Variants in THRB observed in about 807,000 individuals in gnomAD.
THRB encodes the protein nuclear receptor subfamily 1 group A member 2.
A neutral mutation model predicts 47.8 loss-of-function variants in THRB; 12 were observed. That is an observed-to-expected ratio of 0.25 (90% CI 0.16 to 0.41). THRB has a LOEUF of 0.41. Among genes scored for constraint, THRB ranks in the 10% least tolerant of loss-of-function variants. The pLI is 1.00. For synonymous variants in THRB, 218 were observed against 212.2 expected (o/e 1.03, Z -0.24); for missense variants, 348 against 589.2 (o/e 0.59, Z 4.24).
intron 3 of THRB, among the ~76,000 whole-genome samples, chr3:24,256,425 GAATA>G (rs933703280): frequency 6.6e-6 from 1 of 152,130 alleles, no homozygotes; most frequent in Non-Finnish European, 1.5e-5. Flanking sequence ...GGAAAGAGGA[GAATA>G]AATAATTGTG....
chr3:24,213,926 G>C (rs891454555), intron 4 of THRB, among the ~76,000 whole-genome samples: 2 of 152,190 alleles, frequency 1.3e-5, no homozygotes, highest in Non-Finnish European at 2.9e-5. Flanking sequence ...CATTTGGCCT[G>C]CAGATATGGT....
At chr3:24,331,255 A>G (rs1241177021) in intron 2 of THRB, among the ~76,000 whole-genome samples, 1 of 152,202 alleles carries the variant, frequency 6.6e-6, no homozygotes, top group Non-Finnish European at 1.5e-5. Context: ...TACTCCTCCT[A>G]AAATTAAAAA....
intron 3 of THRB, among the ~76,000 whole-genome samples, chr3:24,271,039 G>C (rs751969408): frequency 2.6e-5 from 4 of 152,060 alleles, no homozygotes; most frequent in Admixed American, 6.6e-5. Context: ...CCAAACCATA[G>C]CCCTCCCTAG....
intron 1 of THRB, among the ~76,000 whole-genome samples, chr3:24,380,954 A>C (rs1341008017): frequency 6.6e-6 from 1 of 152,052 alleles, no homozygotes; most frequent in Non-Finnish European, 1.5e-5. Context: ...GTTTCTACTA[A>C]AAATACAAAA....
At chr3:24,368,984 T>C (rs899882569) in intron 1 of THRB, among the ~76,000 whole-genome samples, 1 of 152,196 alleles carries the variant, frequency 6.6e-6, no homozygotes, top group Non-Finnish European at 1.5e-5. Flanking sequence ...AGATGAGTTG[T>C]AAATATGTAG....
intron 4 of THRB, among the ~76,000 whole-genome samples, chr3:24,192,983 T>C (rs1365472282): frequency 1.3e-5 from 2 of 152,136 alleles, no homozygotes; most frequent in Admixed American, 6.5e-5. Context: ...TTAAGGAGGA[T>C]TCTTGATTCT....
At chr3:24,379,939 C>G (rs1398097159) in intron 1 of THRB, among the ~76,000 whole-genome samples, 1 of 151,702 alleles carries the variant, frequency 6.6e-6, no homozygotes, top group African/African-American at 2.4e-5. Context: ...TCCCTCCTCT[C>G]CTCATGTAGT....
At chr3:24,169,699 TTATAA>T (rs1178694452) in intron 5 of THRB, among the ~76,000 whole-genome samples, 5 of 147,966 alleles carry the variant, frequency 3.4e-5, no homozygotes, top group Non-Finnish European at 6.0e-5. Context: ...TATATATATA[TTATAA>T]TATATATCTC....
intron 1 of THRB, among the ~76,000 whole-genome samples, chr3:24,352,883 C>T (rs1458501553): frequency 6.6e-6 from 1 of 151,790 alleles, no homozygotes; most frequent in East Asian, 1.9e-4. Flanking sequence ...TTTCAAATTC[C>T]CACTTTAGGT....
intron 3 of THRB, among the ~76,000 whole-genome samples, chr3:24,237,611 G>A (rs1430209171): frequency 1.3e-5 from 2 of 152,038 alleles, no homozygotes; most frequent in Admixed American, 6.5e-5. Context: ...AAAGAGCATT[G>A]GCCTTGCCAC....
rs10530553 is a variant in THRB at position 24,158,841 on chromosome 3, C to CCTCT, written c.284-6355_284-6352dup. 2.4e-3 allele frequency among the ~76,000 whole-genome samples: 350 copies of CCTCT among 147,546 alleles called. 1 individual carries two copies. In the South Asian group the frequency reaches 0.026, roughly 11 times the overall value. Reference sequence around the variant, plus strand: ...AAGCAGCCATTGTAAGACAGCTCTTCCTCTCTCTCTCTCTCTCTCTCTCTC... The same window carrying CCTCT: ...AAGCAGCCATTGTAAGACAGCTCTTCCTCTCTCTCTCTCTCTCTCTCTCTCTCTC... On this transcript the variant is annotated intron_variant, in intron 5 of 10. Transcript: ENST00000646209.
chr3:24,271,037 T>C (rs1025021196), intron 3 of THRB, among the ~76,000 whole-genome samples: 2 of 152,150 alleles, frequency 1.3e-5, no homozygotes, highest in African/African-American at 4.8e-5. Flanking sequence ...ATCCAAACCA[T>C]AGCCCTCCCT....
chr3:24,392,126 G>A (rs1317074434), intron 1 of THRB, among the ~76,000 whole-genome samples: 1 of 152,012 alleles, frequency 6.6e-6, no homozygotes, highest in African/African-American at 2.4e-5. Context: ...TGTTTAAACT[G>A]GAAACCACCA....
At chr3:24,351,548 T>C (rs1384452973) in intron 1 of THRB, among the ~76,000 whole-genome samples, 1 of 152,182 alleles carries the variant, frequency 6.6e-6, no homozygotes, top group African/African-American at 2.4e-5. Context: ...AATTTGTTGT[T>C]AGCCTTGTTT....
At chr3:24,162,964 C>T (rs1370386408) in intron 5 of THRB, among the ~76,000 whole-genome samples, 1 of 152,052 alleles carries the variant, frequency 6.6e-6, no homozygotes, top group African/African-American at 2.4e-5. Context: ...TAATGACAGC[C>T]ATGAACACAG....
At chr3:24,382,428 G>T (rs757618867) in intron 1 of THRB, among the ~76,000 whole-genome samples, 1 of 152,026 alleles carries the variant, frequency 6.6e-6, no homozygotes, top group Admixed American at 6.6e-5. Context: ...AATGGATAAA[G>T]ATTATGAACA....
At chr3:24,419,481 A>G (rs1031154046) in intron 1 of THRB, among the ~76,000 whole-genome samples, 50 of 152,000 alleles carry the variant, frequency 3.3e-4, no homozygotes, top group African/African-American at 1.2e-3. Context: ...GGGTTCATTT[A>G]TGATAAAAAC....
intron 3 of THRB, among the ~76,000 whole-genome samples, chr3:24,245,073 T>G (rs544354504): frequency 3.3e-4 from 50 of 152,324 alleles, no homozygotes; most frequent in African/African-American, 1.1e-3. Context: ...ATCCCTAAGA[T>G]GTGAGCAACG....
chr3:24,243,213 G>A (rs937229408), intron 3 of THRB, among the ~76,000 whole-genome samples: 1 of 151,964 alleles, frequency 6.6e-6, no homozygotes, highest in Non-Finnish European at 1.5e-5. Flanking sequence ...AGGTTTAGAG[G>A]CCCTAAAGTA....
Sources: gnomAD v4.1 joint callset for allele counts (sites outside exome capture counted in the v4.1 genomes callset) on GRCh38, gnomAD v4.1.1 for gene constraint, MANE v1.5 for transcripts, NCBI Gene and HGNC (gene_info 2026-07-23, HGNC 2026-07-21) for gene names.